Variants in ADGRV1 observed in about 807,000 individuals in gnomAD.
ADGRV1 encodes adhesion G protein-coupled receptor V1.
ADGRV1 carries 359 observed loss-of-function variants against 596.2 expected under a neutral mutation model. That is an observed-to-expected ratio of 0.60 (90% CI 0.55 to 0.66). The LOEUF (loss-of-function observed/expected upper bound fraction) is 0.66. ADGRV1 is among the 30% of genes least tolerant of loss of function. The pLI is 0.00. For synonymous variants in ADGRV1, 2,681 were observed against 2,679.2 expected, an observed-to-expected ratio of 1.00 and a Z score of -0.02; for missense variants, 7,274 against 7,575.6, an observed-to-expected ratio of 0.96 and a Z score of 1.48.
At chr5:90,674,330 T>A in intron 23 of ADGRV1, 96 bp downstream of exon 23, 2 of 852,502 alleles carry the variant, frequency 2.3e-6, no homozygotes, top group Non-Finnish European at 3.4e-6. Flanking sequence ...ATGACGGAAG[T>A]AGAATGCCTT....
chr5:90,810,875 T>C lies in ADGRV1; in HGVS notation c.15615T>C (p.Pro5205=). 1 of 1,614,058 alleles carries C rather than the reference T, an allele frequency of 6.2e-7. No homozygotes were observed. Among genetic ancestry groups the C allele is most frequent in the Non-Finnish European group, 8.5e-7 (1 of 1,179,904 alleles). Residue 5205 remains proline, a synonymous_variant, in exon 74 of 90, where the codon CCT becomes CCC. Transcript: ENST00000405460. ...LHGTPAVSEK[P]DVATVTANVS... is the part of the protein sequence containing the mutation. ...GCACACCTGCTGTGTCTGAAAAGCC[T>C]GATGTGGCCACTGTAACTGCCAATG...
intron 83 of ADGRV1, among the ~76,000 whole-genome samples, chr5:90,959,877 C>G (rs369768660): frequency 1.3e-5 from 2 of 152,138 alleles, no homozygotes; most frequent in Non-Finnish European, 2.9e-5. Flanking sequence ...CAGTGGCTCA[C>G]GCCTGTAATC....
intron 83 of ADGRV1, among the ~76,000 whole-genome samples, chr5:90,926,548 C>T (rs1485957321): frequency 4.0e-5 from 6 of 151,110 alleles, no homozygotes; most frequent in African/African-American, 7.3e-5. Flanking sequence ...GTCTTGCTAG[C>T]GGTCTATCAA....
chr5:91,003,881 T>C (rs1479661738), intron 85 of ADGRV1, among the ~76,000 whole-genome samples: 3 of 151,990 alleles, frequency 2.0e-5, no homozygotes, highest in Non-Finnish European at 2.9e-5. Context: ...AGTAGGAAAG[T>C]ATCATTAATG....
At chr5:90,722,716 C>CAAAAAAAAAAAAAA (rs55761821) in intron 45 of ADGRV1, among the ~76,000 whole-genome samples, 7 of 32,900 alleles carry the variant, frequency 2.1e-4, no homozygotes, top group African/African-American at 7.4e-4. Flanking sequence ...AACTCCGTCT[C>CAAAAAAAAAAAAAA]AAAAAAAAAA....
At chr5:90,577,183 G>A (rs1377225920) in intron 1 of ADGRV1, among the ~76,000 whole-genome samples, 1 of 152,136 alleles carries the variant, frequency 6.6e-6, no homozygotes, top group Non-Finnish European at 1.5e-5. Flanking sequence ...TAGTCATGAA[G>A]CCCTTGCCCA....
chr5:91,088,788 A>G lies in ADGRV1; in HGVS notation c.18311-13431A>G, dbSNP rs949001880. On this transcript the variant is annotated intron_variant, in intron 86 of 89. Coordinates refer to ENST00000405460, the MANE Select transcript of ADGRV1 (RefSeq NM_032119.4). ...TCTACATTTAAAAAAGAGAAAAAAA[A>G]TCCTAGAATTAAAATATCACAAAAA... Among the ~76,000 whole-genome samples, 21 of 152,304 alleles carry G rather than the reference A, an allele frequency of 1.4e-4. No individual in the cohort carries two copies. The East Asian group carries it at 3.7e-3, about 27-fold the overall frequency.
In ADGRV1 at chr5:91,163,835, G is replaced by A. The variant is rs1256850968; in HGVS notation, c.18856G>A (p.Gly6286Ser). ...NESGQGSQEG[G>S]TLTDSQIVEL... Reference sequence around the variant, plus strand: ...ATCTGGTCAAGGCAGCCAGGAGGGGGGCACCTTGACTGACTCCCAGATCGT... The same window carrying A: ...ATCTGGTCAAGGCAGCCAGGAGGGGAGCACCTTGACTGACTCCCAGATCGT... Residue 6286 changes from glycine to serine, a missense_variant, in exon 90 of 90, where the codon GGC (glycine) becomes AGC (serine). Around this residue, in one of 5 missense-constraint regions of ADGRV1, gnomAD observed 1,874 missense variants for 1,970.2 expected, o/e 0.95. Transcript: ENST00000405460. 1.9e-6 allele frequency: 3 copies of A among 1,607,592 alleles called. No homozygotes were observed. The highest frequency in any genetic ancestry group is 2.6e-6 in the Non-Finnish European group (3 of 1,175,854).
At chr5:90,755,266 A>AGTC (rs1755711980) in intron 55 of ADGRV1, 81 bp downstream of exon 55, 24 of 850,792 alleles carry the variant, frequency 2.8e-5, no homozygotes, top group Admixed American at 1.7e-4. Context: ...TGTAAGTAAA[A>AGTC]ATCTTTTTTT....
At chr5:90,958,491 T>G (rs945609962) in intron 83 of ADGRV1, among the ~76,000 whole-genome samples, 22 of 152,092 alleles carry the variant, frequency 1.4e-4, no homozygotes, top group African/African-American at 5.3e-4. Flanking sequence ...ATACTTCTAT[T>G]TGTTTGCTAG....
intron 9 of ADGRV1, among the ~76,000 whole-genome samples, chr5:90,634,849 AT>A (rs146546758): frequency 1.3e-3 from 196 of 152,258 alleles, no homozygotes; most frequent in African/African-American, 4.5e-3. Context: ...AGATGCAGAG[AT>A]TATTAAGGAG....
intron 1 of ADGRV1, among the ~76,000 whole-genome samples, chr5:90,578,101 T>C (rs1757481869): frequency 6.6e-6 from 1 of 152,198 alleles, no homozygotes; most frequent in South Asian, 2.1e-4. Context: ...GAATACCTTG[T>C]ATTTCTTTAT....
At chr5:91,013,662 G>T (rs1004158874) in intron 85 of ADGRV1, among the ~76,000 whole-genome samples, 3 of 152,116 alleles carry the variant, frequency 2.0e-5, no homozygotes, top group Admixed American at 2.0e-4. Flanking sequence ...TAGGTTGTCT[G>T]TTTTCTCTGT....
chr5:90,782,110 A>G (rs916178290), intron 65 of ADGRV1, among the ~76,000 whole-genome samples: 1 of 152,152 alleles, frequency 6.6e-6, no homozygotes, highest in Non-Finnish European at 1.5e-5. Context: ...GTAGGAAGAG[A>G]TGGCTGCCTT....
At chr5:90,685,649 A>G (rs1370775553) in intron 28 of ADGRV1, 131 bp from the exon 29 acceptor site, 2 of 354,076 alleles carry the variant, frequency 5.6e-6, no homozygotes, top group Non-Finnish European at 5.0e-6. Context: ...TAAAATAAAT[A>G]GTAGAGGGAA....
At chr5:90,862,336 C>A (rs1266601048) in intron 82 of ADGRV1, among the ~76,000 whole-genome samples, 4 of 142,376 alleles carry the variant, frequency 2.8e-5, no homozygotes, top group African/African-American at 1.0e-4. Context: ...GCAAGGCTTG[C>A]TTTAAAGTCA....
Position 90,643,986 on chromosome 5 carries a change from A to G in ADGRV1, c.2734+3A>G. The G allele has an allele frequency of 6.4e-7, 1 of 1,560,172 alleles. No individual in the cohort carries two copies. Among genetic ancestry groups the G allele is most frequent in the East Asian group, 2.3e-5 (1 of 43,994 alleles). On this transcript the variant is annotated splice_donor_region_variant and intron_variant, in intron 14 of 89. Transcript: ENST00000405460. ...CAAAGGAGATGCTATCTATAGTGGT[A>G]ATTTATTCTGTGTCTTATATTGTAT...
At chr5:91,152,740 C>T (rs1237206450) in intron 88 of ADGRV1, among the ~76,000 whole-genome samples, 1 of 152,134 alleles carries the variant, frequency 6.6e-6, no homozygotes, top group African/African-American at 2.4e-5. Context: ...GATCATAGCC[C>T]ACTGCAGCCT....
intron 50 of ADGRV1, among the ~76,000 whole-genome samples, chr5:90,743,033 T>C (rs1025259219): frequency 6.6e-6 from 1 of 152,162 alleles, no homozygotes; most frequent in Non-Finnish European, 1.5e-5. Context: ...TTATAGAGTT[T>C]AGAGGAGGGT....
Sources: allele counts gnomAD v4.1 joint callset (sites outside exome capture counted in the v4.1 genomes callset), GRCh38; gene constraint gnomAD v4.1.1; regional missense constraint gnomAD v4.1.1; transcripts MANE v1.5; gene names NCBI Gene and HGNC (gene_info 2026-07-23, HGNC 2026-07-21).